ATG2A: variants seen among roughly 807,000 people sequenced by gnomAD.
The protein encoded by ATG2A is autophagy-related protein 2 homolog A.
In ATG2A, 103 loss-of-function variants were observed where a neutral mutation model predicts 214.2. The observed-to-expected ratio is 0.48, with a 90% confidence interval of 0.41 to 0.57. The LOEUF (loss-of-function observed/expected upper bound fraction) is 0.57, where lower values mean the gene tolerates loss of function less well. Among genes scored for constraint, ATG2A ranks in the 20% least tolerant of loss-of-function variants. ATG2A has a pLI of 0.00. For missense variants in ATG2A, 2,312 were observed against 2,613.2 expected (o/e 0.88, Z 2.51); for synonymous variants, 1,160 against 1,142.1 (o/e 1.02, Z -0.32).
Position 64,913,479 on chromosome 11 carries a change from G to A in ATG2A, c.591-78C>T. 1 of 1,456,942 alleles carries A rather than the reference G, an allele frequency of 6.9e-7. No homozygotes were observed. 90.3% of individuals were successfully genotyped at this position (1,456,942 alleles called of 1,614,324 possible). On this transcript the variant is annotated intron_variant, in intron 4 of 40. Coordinates refer to ENST00000377264, the MANE Select transcript of ATG2A (RefSeq NM_015104.3). This position sits in a 1 kb window ranked among gnomAD's most constrained non-coding sequence, Gnocchi z 4.3. ...TCTCTCCACACAGTGCTCTGCTCTA[G>A]GGGCACGGGGTCAGGGAGCCTAGCC...
rs931684539 is a variant in ATG2A, at chr11:64,902,090, C to T, written c.3991G>A (p.Gly1331Arg). 6 of 1,613,958 alleles carry T rather than the reference C, an allele frequency of 3.7e-6. No homozygotes were observed. Among genetic ancestry groups the T allele is most frequent in the East Asian group, 2.2e-5 (1 of 44,882 alleles). ...SGAPPPSPPV[G>R]GPAGSLGSCS... ...GACCCTAAGCTGCCAGCAGGGCCCC[C>T]GACAGGTGGTGAAGGGGGTGGGGCC... Residue 1331 changes from glycine to arginine, a missense_variant, in exon 29 of 41, where the codon GGG becomes AGG. Gly to Arg is a moderately radical substitution (Grantham distance 125). Transcript: ENST00000377264.
chr11:64,897,308 C>T, intron 37 of ATG2A, 104 bp downstream of exon 37: 1 of 1,340,248 alleles, frequency 7.5e-7, no homozygotes, highest in Non-Finnish European at 1.0e-6. Context: ...GAAACTGAGG[C>T]CCTGAGAAGG....
Position 64,913,183 on chromosome 11 carries a change from C to T in ATG2A, c.727-47G>A, listed in dbSNP as rs1453542888. The T allele has an allele frequency of 6.2e-7, 1 of 1,604,068 alleles. No individual in the cohort carries two copies. Among genetic ancestry groups the T allele is most frequent in the African/African-American group, 1.3e-5 (1 of 74,806 alleles). ...GAGGGAAAGGTTGAGAAAATGGAGT[C>T]AGAGATGGTCAGAAAGGATGGGAGG... On this transcript the variant is annotated intron_variant, in intron 5 of 40. Transcript: ENST00000377264. The surrounding 1 kb of genome is among the most constrained non-coding windows in gnomAD (Gnocchi z 4.3).
At chr11:64,912,655 G>A (rs1382837332) in intron 6 of ATG2A, 2 of 514,046 alleles carry the variant, frequency 3.9e-6, no homozygotes, top group East Asian at 3.5e-5. Flanking sequence ...GTGCAGTGGT[G>A]CAATCTTGGC....
chr11:64,902,620 C>T lies in ATG2A; in HGVS notation c.3673G>A (p.Asp1225Asn), dbSNP rs1476365593. Residue 1225 changes from aspartate to asparagine, a missense_variant, in exon 27 of 41, where the codon GAC becomes AAC. Asp to Asn is a conservative substitution (Grantham distance 23). Transcript: ENST00000377264. Reference protein sequence around the residue: ...NNVVHVHSCADSCALLVNLLQ... With the variant: ...NNVVHVHSCANSCALLVNLLQ... Reference sequence around the variant, plus strand: ...AGGTTGACCAGCAGGGCACAGGAGTCGGCACAGCTGTGCACGTGTACCACA... The same window carrying T: ...AGGTTGACCAGCAGGGCACAGGAGTTGGCACAGCTGTGCACGTGTACCACA... 9 of 1,610,680 alleles carry T rather than the reference C, an allele frequency of 5.6e-6. No homozygotes were observed. The highest frequency in any genetic ancestry group is 1.1e-5 in the South Asian group (1 of 90,944).
chr11:64,901,150 C>T (rs753458314), intron 29 of ATG2A, 58 bp from the exon 30 acceptor site: 1 of 1,499,272 alleles, frequency 6.7e-7, no homozygotes, highest in Admixed American at 2.4e-5. Context: ...CAGCTGCCCC[C>T]AGCCCCAGCA....
At chr11:64,910,778 C>A (rs1264577883) in intron 11 of ATG2A, 29 bp downstream of exon 11, 10 of 1,610,436 alleles carry the variant, frequency 6.2e-6, no homozygotes, top group African/African-American at 1.3e-5. Flanking sequence ...CCAGACCCCG[C>A]CTCGTACACA....
chr11:64,912,035 C>T, intron 8 of ATG2A, 50 bp downstream of exon 8: 1 of 1,613,054 alleles, frequency 6.2e-7, no homozygotes. Flanking sequence ...CCCTAGGCTG[C>T]TGCACCCACA....
chr11:64,902,253 A>C lies in ATG2A; in HGVS notation c.3904+7T>G, dbSNP rs759380826. The C allele has an allele frequency of 1.2e-6, 2 of 1,613,074 alleles. No individual in the cohort carries two copies. Among genetic ancestry groups the C allele is most frequent in the South Asian group, 1.1e-5 (1 of 91,056 alleles). ...TGTCTGCTGTCCCCACAGCACCCCC[A>C]CTTCACCTGAAGGCTGGGCCAGCTC... On this transcript the variant is annotated splice_region_variant and intron_variant, in intron 28 of 40. Coordinates refer to ENST00000377264, the MANE Select transcript of ATG2A (RefSeq NM_015104.3).
At chr11:64,916,857 C>T in intron 1 of ATG2A, 108 bp downstream of exon 1, 2 of 1,476,654 alleles carry the variant, frequency 1.4e-6, no homozygotes, top group Non-Finnish European at 1.8e-6. Flanking sequence ...TTCCCCTGGC[C>T]TCTCTACGCC....
In ATG2A at chr11:64,903,781, C is replaced by A; in HGVS notation, c.3465-121G>T. On this transcript the variant is annotated intron_variant, in intron 24 of 40. Coordinates refer to ENST00000377264, the MANE Select transcript of ATG2A (RefSeq NM_015104.3). The surrounding 1 kb of genome is among the most constrained non-coding windows in gnomAD (Gnocchi z 4.2). ...TATGGACAGGCCCCTCCAGCCTCAG[C>A]GTTCCTGCCTGCACAATGGGGAGAA... 1 of 929,220 alleles carries A rather than the reference C, an allele frequency of 1.1e-6. No individual in the cohort carries two copies. The highest frequency in any genetic ancestry group is 2.7e-5 in the East Asian group (1 of 36,640). 57.6% of individuals were successfully genotyped at this position (929,220 alleles called of 1,614,324 possible).
chr11:64,909,034 G>A lies in ATG2A; in HGVS notation c.2321C>T (p.Pro774Leu), dbSNP rs1467356649. 6.2e-7 allele frequency: 1 copy of A among 1,611,812 alleles called. No individual in the cohort carries two copies. The highest frequency in any genetic ancestry group is 8.5e-7 in the Non-Finnish European group (1 of 1,179,378). The change falls in exon 16 of 41, where the codon CCC becomes CTC. Residue 774 changes from proline (P) to leucine (L), a missense_variant. By Grantham distance (98) the Pro-to-Leu change is moderately conservative. Coordinates refer to ENST00000377264, the MANE Select transcript of ATG2A (RefSeq NM_015104.3). ...ESPCELREPE[P>L]SPFSSKRTMY... ...GGTCCTCTTAGAGGAGAAGGGCGAG[G>A]GCTCAGGTTCCCGCAGCTCACAGGG...
At chr11:64,910,783 T>G (rs1473294891) in intron 11 of ATG2A, 24 bp downstream of exon 11, 10 of 1,610,598 alleles carry the variant, frequency 6.2e-6, no homozygotes, top group African/African-American at 2.7e-5. Context: ...CCCCGCCTCG[T>G]ACACATTCTG....
At position 64,896,534 on chromosome 11, in the gene ATG2A, C is replaced by T. The variant is rs61738708; in HGVS notation, c.5355G>A (p.Gly1785=). Residue 1785 remains glycine (G), a synonymous_variant, in exon 39 of 41, where the codon GGG becomes GGA. Coordinates refer to ENST00000377264, the MANE Select transcript of ATG2A (RefSeq NM_015104.3). ...CTGTGGATGAGCCAAAGGAGGCAGC[C>T]CCTCGCTGCAGCCCCCGCATGAGGC... is the stretch of plus-strand genomic sequence containing the variant. The part of the protein sequence containing the change: ...DGRLMRGLQR[G]AASFGSSTAS... 1.7e-3 allele frequency: 2,665 copies of T among 1,613,952 alleles called. 39 individuals carry two copies. The African/African-American group carries it at 0.032, about 20-fold the overall frequency.
chr11:64,905,995 G>A, intron 22 of ATG2A, 118 bp downstream of exon 22: 3 of 1,404,284 alleles, frequency 2.1e-6, no homozygotes, highest in Non-Finnish European at 2.9e-6. Context: ...TCCGGACAAG[G>A]TCAGCTGTGG....
chr11:64,912,199 C>T lies in ATG2A; in HGVS notation c.973G>A (p.Glu325Lys), dbSNP rs746748685. Residue 325 changes from glutamate to lysine, a missense_variant, in exon 8 of 41, where the codon GAA (glutamate) becomes AAA (lysine). By Grantham distance (56) the Glu-to-Lys change is moderately conservative. Coordinates refer to ENST00000377264, the MANE Select transcript of ATG2A (RefSeq NM_015104.3). ...KLNKSRPLGA[E>K]DLWLIEQDLN... ...TCCTGCTCAATCAGCCACAGGTCTT[C>T]GGCACCTAGCGGGCGGCTCTTGTTC... 6.8e-6 allele frequency: 11 copies of T among 1,613,730 alleles called. No homozygotes were observed. The East Asian group carries it at 8.9e-5, about 13-fold the overall frequency.
At position 64,914,145 on chromosome 11, in the gene ATG2A, C is replaced by A. The variant is rs142791418; in HGVS notation, c.423G>T (p.Pro141=). 3.2e-6 allele frequency: 5 copies of A among 1,552,646 alleles called. No homozygotes were observed. Among genetic ancestry groups the A allele is most frequent in the African/African-American group, 1.4e-5 (1 of 73,126 alleles). ...LAQECLRDGL[P]EPSEPPQPLE... Reference sequence around the variant, plus strand: ...GGGGCTGTGGTGGCTCAGAGGGCTCCGGTAGCCCATCCCGCAGACACTCCT... The same window carrying A: ...GGGGCTGTGGTGGCTCAGAGGGCTCAGGTAGCCCATCCCGCAGACACTCCT... Residue 141 remains proline, a synonymous_variant, in exon 3 of 41, where the codon CCG becomes CCT. Coordinates refer to ENST00000377264, the MANE Select transcript of ATG2A (RefSeq NM_015104.3).
rs551692354 is a variant in ATG2A at position 64,897,662 on chromosome 11, C to T, written c.5067+9G>A. 2 of 1,614,218 alleles carry T rather than the reference C, an allele frequency of 1.2e-6. No homozygotes were observed. Among genetic ancestry groups the T allele is most frequent in the Non-Finnish European group, 1.7e-6 (2 of 1,180,034 alleles). On this transcript the variant is annotated intron_variant, in intron 36 of 40. Coordinates refer to ENST00000377264, the MANE Select transcript of ATG2A (RefSeq NM_015104.3). ...CCACATGGCCACCCCATCCGACCGC[C>T]CCACTTACCACCTGGTCCATCGTGA...
chr11:64,899,861 A>ATT (rs749811813), intron 31 of ATG2A, among the ~76,000 whole-genome samples: 2,758 of 139,414 alleles, frequency 0.02, 89 homozygotes, highest in African/African-American at 0.069. Flanking sequence ...AGCTTCCAGC[A>ATT]TTTTTTTTTT....
Sources: allele counts gnomAD v4.1 joint callset (sites outside exome capture counted in the v4.1 genomes callset), GRCh38; gene constraint gnomAD v4.1.1; non-coding constraint Gnocchi (gnomAD v3.1); transcripts MANE v1.5; gene names NCBI Gene and HGNC (gene_info 2026-07-23, HGNC 2026-07-21).